Variants in CCDC88C observed in about 807,000 individuals in gnomAD.
CCDC88C encodes protein Daple.
Under a neutral mutation model 198.8 loss-of-function variants are expected in CCDC88C, and 131 were observed. The ratio of observed to expected loss-of-function variants is 0.66; its 90% CI spans 0.57 to 0.76. The LOEUF (loss-of-function observed/expected upper bound fraction) is 0.76, where lower values mean the gene tolerates loss of function less well. Among genes scored for constraint, CCDC88C ranks in the 30% least tolerant of loss-of-function variants. The pLI is 0.00. For synonymous variants in CCDC88C, 1,166 were observed against 1,114.7 expected (o/e 1.05, Z -0.92); for missense variants, 2,553 against 2,631.6 (o/e 0.97, Z 0.65).
At chr14:91,390,660 G>A (rs911781481) in intron 3 of CCDC88C, among the ~76,000 whole-genome samples, 5 of 152,288 alleles carry the variant, frequency 3.3e-5, no homozygotes, top group Admixed American at 6.5e-5. Flanking sequence ...TACCAAAGTC[G>A]CCTTCCAGGT....
In CCDC88C at chr14:91,307,109, C is replaced by T. The variant is rs1891589699; in HGVS notation, c.3124G>A (p.Gly1042Arg). The stretch of plus-strand genomic sequence containing the variant: ...ATGGTGGCTTCCTTATGGCCGGGCC[C>T]CCAGGCCTCCTTCCCCTGGTGACTG... ...AASHQGKEAW[G>R]PGHKEATMEL... The change falls in exon 18 of 30, where the codon GGG becomes AGG. Residue 1042 changes from glycine (G) to arginine (R), a missense_variant. Around this residue, in one of 2 missense-constraint regions of CCDC88C, gnomAD observed 1,260 missense variants for 1,412.0 expected, o/e 0.89. Transcript: ENST00000389857. 1 of 1,613,876 alleles carries T rather than the reference C, an allele frequency of 6.2e-7. No individual in the cohort carries two copies. Among genetic ancestry groups the T allele is most frequent in the South Asian group, 1.1e-5 (1 of 91,090 alleles).
rs1165998008 is a variant in CCDC88C, at chr14:91,381,643, G to C, written c.271-21932C>G. On this transcript the variant is annotated intron_variant, in intron 3 of 29. Coordinates refer to ENST00000389857, the MANE Select transcript of CCDC88C (RefSeq NM_001080414.4). The surrounding 1 kb of genome is among the most constrained non-coding windows in gnomAD (Gnocchi z 4.2). ...AAGTCAGGAGTTCGAGACCACCCTG[G>C]CCAACTTGGTGAAACCCCGTCTCTA... Among the ~76,000 whole-genome samples, 1 of 152,158 alleles carries C rather than the reference G, an allele frequency of 6.6e-6. No individual in the cohort carries two copies. The highest frequency in any genetic ancestry group is 2.4e-5 in the African/African-American group (1 of 41,430).
rs8014683 is a variant in CCDC88C, at chr14:91,283,297, C to T, written c.4630+32G>A. On this transcript the variant is annotated intron_variant, in intron 26 of 29. Coordinates refer to ENST00000389857, the MANE Select transcript of CCDC88C (RefSeq NM_001080414.4). ...TCTTCAGGAAGGACACTAGGCCCGA[C>T]GCTCATGGCTCTGGAAGGGCCTGTG... 873 of 1,604,006 alleles carry T rather than the reference C, an allele frequency of 5.4e-4. 6 individuals carry two copies. The African/African-American group carries it at 9.8e-3, about 18-fold the overall frequency.
chr14:91,278,412 G>A (rs1477530112), intron 28 of CCDC88C, among the ~76,000 whole-genome samples: 1 of 152,214 alleles, frequency 6.6e-6, no homozygotes, highest in Non-Finnish European at 1.5e-5. Context: ...AAAATACTTT[G>A]AGATAAAAGT....
Position 91,339,941 on chromosome 14 carries a change from C to CG in CCDC88C, c.566dup (p.Arg190GlufsTer57), listed in dbSNP as rs752094038. 1 of 1,597,972 alleles carries CG rather than the reference C, an allele frequency of 6.3e-7. No homozygotes were observed. The highest frequency in any genetic ancestry group is 1.1e-5 in the South Asian group (1 of 87,848). On this transcript the variant is annotated frameshift_variant, in exon 7 of 30. Coordinates refer to ENST00000389857, the MANE Select transcript of CCDC88C (RefSeq NM_001080414.4). LOFTEE classifies it high-confidence loss of function. This position sits in a 1 kb window ranked among gnomAD's most constrained non-coding sequence, Gnocchi z 5.8. ...TCCGCAGGTGGAGCACCATGCTCCTCGACAGGGCCTCCAGCTCCTCCGGAG... is the reference window on the plus strand; with the variant it reads ...TCCGCAGGTGGAGCACCATGCTCCTCGGACAGGGCCTCCAGCTCCTCCGGAG...
In CCDC88C at chr14:91,300,051, G is replaced by A. The variant is rs374425216; in HGVS notation, c.3655C>T (p.Arg1219Cys). 1.2e-5 allele frequency: 19 copies of A among 1,607,884 alleles called. No homozygotes were observed. The East Asian group carries it at 1.3e-4, about 11-fold the overall frequency. ...TCCCGCTCCTCCAGCTCCGCCTTGC[G>A]CTTCAGCATGTCACCGTGCCTGTTG... ...LGERHGDMLK[R>C]KAELEEREKV... The change falls in exon 21 of 30, where the codon CGC (arginine) becomes TGC (cysteine). Residue 1219 changes from arginine (R) to cysteine (C), a missense_variant. Arg to Cys is a radical substitution (Grantham distance 180). Transcript: ENST00000389857.
rs1012078462 is a variant in CCDC88C, at chr14:91,281,394, G to A, written c.4699+63C>T. On this transcript the variant is annotated intron_variant, in intron 27 of 29. Coordinates refer to ENST00000389857, the MANE Select transcript of CCDC88C (RefSeq NM_001080414.4). ...GTACAGGACTCAGCTTAAAGGAAAG[G>A]TACCGTGGATAAAAACCAGTCTGGA... 1.1e-5 allele frequency: 18 copies of A among 1,611,832 alleles called. No individual in the cohort carries two copies. In the Middle Eastern group the frequency reaches 4.9e-4, roughly 44 times the overall value.
chr14:91,279,462 A>G, intron 27 of CCDC88C, 156 bp from the exon 28 acceptor site: 1 of 599,874 alleles, frequency 1.7e-6, no homozygotes, highest in South Asian at 2.1e-5. Flanking sequence ...TCTGCGCTCC[A>G]GTGAGGAAGC....
chr14:91,285,634 G>C, intron 25 of CCDC88C: 1 of 1,263,470 alleles, frequency 7.9e-7, no homozygotes. Flanking sequence ...AAATGAAGGA[G>C]GGTACACAAT....
intron 12 of CCDC88C, among the ~76,000 whole-genome samples, chr14:91,324,450 G>A (rs1892496643): frequency 6.6e-6 from 1 of 152,248 alleles, no homozygotes. Context: ...TGCCATCCAG[G>A]GCTTTCAGCC....
At chr14:91,307,417 C>T (rs1167331131) in intron 17 of CCDC88C, among the ~76,000 whole-genome samples, 191 bp from the exon 18 acceptor site, 5 of 152,212 alleles carry the variant, frequency 3.3e-5, no homozygotes, top group Non-Finnish European at 7.3e-5. Flanking sequence ...TACATTTTCC[C>T]TTCCCTTCCA....
chr14:91,349,759 A>C (rs1416696543), intron 4 of CCDC88C, among the ~76,000 whole-genome samples: 1 of 152,188 alleles, frequency 6.6e-6, no homozygotes, highest in Non-Finnish European at 1.5e-5. Context: ...AACATAAGCT[A>C]TATAGAAAGC....
intron 21 of CCDC88C, among the ~76,000 whole-genome samples, chr14:91,298,723 G>A (rs1891137311): frequency 6.6e-6 from 1 of 152,208 alleles, no homozygotes; most frequent in Admixed American, 6.5e-5. Context: ...CCGTTCAACA[G>A]TCTGTGGTCT....
rs1884799133 is a variant in CCDC88C, at chr14:91,381,650, T to C, written c.271-21939A>G. ...GAGTTCGAGACCACCCTGGCCAACT[T>C]GGTGAAACCCCGTCTCTACTAAAAA... On this transcript the variant is annotated intron_variant, in intron 3 of 29. Transcript: ENST00000389857. This position sits in a 1 kb window ranked among gnomAD's most constrained non-coding sequence, Gnocchi z 4.2. Among the ~76,000 whole-genome samples the C allele has an allele frequency of 6.6e-6, 1 of 152,128 alleles. No individual in the cohort carries two copies. The highest frequency in any genetic ancestry group is 2.4e-5 in the African/African-American group (1 of 41,424).
Position 91,272,711 on chromosome 14 carries a change from G to A in CCDC88C, c.6001C>T (p.Arg2001Ter). 5.6e-6 allele frequency: 9 copies of A among 1,611,172 alleles called. No individual in the cohort carries two copies. The highest frequency in any genetic ancestry group is 1.3e-5 in the African/African-American group (1 of 75,050). ...GGACTGCTCTTTGAGACGCTCCCTCGACTGCAGTCCTCCAGGGCCCGGCCG... is the reference window on the plus strand; with the variant it reads ...GGACTGCTCTTTGAGACGCTCCCTCAACTGCAGTCCTCCAGGGCCCGGCCG... ...HLGRALEDCS[R>*]GSVSKSSPAS... The change falls in exon 30 of 30, where the codon CGA becomes TGA. Residue 2001 changes from arginine to a stop codon, truncating the protein, a stop_gained. Coordinates refer to ENST00000389857, the MANE Select transcript of CCDC88C (RefSeq NM_001080414.4). LOFTEE classifies it high-confidence loss of function.
Position 91,305,916 on chromosome 14 carries a change from A to C in CCDC88C, c.3206T>G (p.Leu1069Arg). The change falls in exon 19 of 30, where the codon CTG (leucine) becomes CGG (arginine). Residue 1069 changes from leucine (L) to arginine (R), a missense_variant. Around this residue, in one of 2 missense-constraint regions of CCDC88C, gnomAD observed 1,260 missense variants for 1,412.0 expected, o/e 0.89. Transcript: ENST00000389857. ...CTTTAGCAGCTGCTTCTCAGCCTGC[A>C]GAGCTGCATTCTAGAAGATCGGGAG... is the stretch of plus-strand genomic sequence containing the variant. Reference protein sequence around the residue: ...AIELERNNAALQAEKQLLKEQ... With the variant: ...AIELERNNAARQAEKQLLKEQ... The C allele has an allele frequency of 6.2e-7, 1 of 1,613,352 alleles. No homozygotes were observed. Among genetic ancestry groups the C allele is most frequent in the Non-Finnish European group, 8.5e-7 (1 of 1,179,790 alleles).
chr14:91,362,192 C>T (rs550567834), intron 3 of CCDC88C, among the ~76,000 whole-genome samples: 1 of 151,748 alleles, frequency 6.6e-6, no homozygotes, highest in South Asian at 2.1e-4. Context: ...CGAGATCGCA[C>T]CACTGCACTC....
chr14:91,382,660 A>C (rs1405646857), intron 3 of CCDC88C, among the ~76,000 whole-genome samples: 1 of 152,216 alleles, frequency 6.6e-6, no homozygotes, highest in East Asian at 1.9e-4. Context: ...CCTCAGCCCA[A>C]GAAGTAGGTA....
intron 3 of CCDC88C, among the ~76,000 whole-genome samples, chr14:91,383,222 T>C (rs896502850): frequency 1.3e-5 from 2 of 150,692 alleles, no homozygotes; most frequent in African/African-American, 4.8e-5. Flanking sequence ...CCTCGAACCC[T>C]GGCTCTGCCA....
Sources: allele counts gnomAD v4.1 joint callset (sites outside exome capture counted in the v4.1 genomes callset), GRCh38; gene constraint gnomAD v4.1.1; regional missense constraint gnomAD v4.1.1; non-coding constraint Gnocchi (gnomAD v3.1); transcripts MANE v1.5; gene names NCBI Gene and HGNC (gene_info 2026-07-23, HGNC 2026-07-21).